UGT1A8: variants seen among roughly 807,000 people sequenced by gnomAD.
UGT1A8 encodes UDP glucuronosyltransferase family 1 member A8.
Under a neutral mutation model 45.3 loss-of-function variants are expected in UGT1A8, and 39 were observed. The observed-to-expected ratio is 0.86, with a 90% CI of 0.67 to 1.12. UGT1A8 has a LOEUF of 1.12. Among genes scored for constraint, UGT1A8 ranks in the 50% most tolerant of loss-of-function variants. The probability of loss-of-function intolerance (pLI) is 0.00; values close to 1 mark genes in which losing one functional copy is unlikely to be tolerated. For synonymous variants in UGT1A8, 275 were observed against 249.2 expected, an observed-to-expected ratio of 1.10 and a Z score of -0.97; for missense variants, 719 against 664.9, an observed-to-expected ratio of 1.08 and a Z score of -0.90.
intron 1 of UGT1A8, chr2:233,719,217 C>T (rs1235910435): frequency 1.2e-6 from 2 of 1,614,064 alleles, no homozygotes; most frequent in Non-Finnish European, 1.7e-6. Flanking sequence ...GGAGCTACTG[C>T]ATAATGAGGC....
intron 1 of UGT1A8, chr2:233,719,191 T>A (rs1353737147): frequency 6.2e-7 from 1 of 1,614,228 alleles, no homozygotes; most frequent in Admixed American, 1.7e-5. Context: ...TCTTTGGCCC[T>A]TCATAGGTGT....
chr2:233,672,699 G>T (rs1194232610), intron 1 of UGT1A8: 5 of 1,613,882 alleles, frequency 3.1e-6, no homozygotes, highest in Non-Finnish European at 4.2e-6. Flanking sequence ...TGTTGCGAAC[G>T]GACTTTGTTT....
intron 1 of UGT1A8, among the ~76,000 whole-genome samples, chr2:233,666,287 C>A (rs1252300394): frequency 6.6e-6 from 1 of 152,194 alleles, no homozygotes; most frequent in Non-Finnish European, 1.5e-5. Flanking sequence ...TCCTGCTAAG[C>A]CCCACTTTCA....
At chr2:233,743,505 A>G (rs761358710) in intron 1 of UGT1A8, 1 of 1,367,266 alleles carries the variant, frequency 7.3e-7, no homozygotes, top group Non-Finnish European at 9.8e-7. Context: ...AAAGGGGTGC[A>G]GACGCTCTGC....
chr2:233,760,943 A>G (rs1487587152), intron 1 of UGT1A8: 1 of 1,614,220 alleles, frequency 6.2e-7, no homozygotes, highest in South Asian at 1.1e-5. Context: ...GCCTTTTCAC[A>G]GAACTTTCTG....
intron 1 of UGT1A8, among the ~76,000 whole-genome samples, chr2:233,684,318 G>C (rs1167563534): frequency 6.6e-6 from 1 of 152,222 alleles, no homozygotes; most frequent in Non-Finnish European, 1.5e-5. Context: ...GGAGATGCAA[G>C]TTGTAGGACG....
rs1691455910 is a variant in UGT1A8, at chr2:233,740,707, G to A, written c.856-26327G>A. Reference sequence around the variant, plus strand: ...GGTGTTCATTTTAGGGATTTCAAGAGGGTCATCTTTGCACCACAGGAAATG... The same window carrying A: ...GGTGTTCATTTTAGGGATTTCAAGAAGGTCATCTTTGCACCACAGGAAATG... On this transcript the variant is annotated intron_variant, in intron 1 of 4. Coordinates refer to ENST00000373450, the MANE Select transcript of UGT1A8 (RefSeq NM_019076.5). 1.3e-5 allele frequency: 2 copies of A among 151,744 alleles called. 1 individual carries two copies. Among genetic ancestry groups the A allele is most frequent in the African/African-American group, 4.9e-5 (2 of 41,032 alleles). 9.4% of individuals were successfully genotyped at this position (151,744 alleles called of 1,614,324 possible).
At chr2:233,721,350 A>C (rs2076940105) in intron 1 of UGT1A8, among the ~76,000 whole-genome samples, 1 of 152,142 alleles carries the variant, frequency 6.6e-6, no homozygotes, top group Non-Finnish European at 1.5e-5. Context: ...TATATTCTTT[A>C]GACTGAACTG....
chr2:233,628,784 C>T (rs1054467628), intron 1 of UGT1A8, among the ~76,000 whole-genome samples: 2 of 152,038 alleles, frequency 1.3e-5, no homozygotes, highest in Admixed American at 1.3e-4. Flanking sequence ...AGATACTTCC[C>T]TTTATTTTCC....
At chr2:233,742,506 T>C (rs1389190553) in intron 1 of UGT1A8, among the ~76,000 whole-genome samples, 1 of 151,946 alleles carries the variant, frequency 6.6e-6, no homozygotes, top group East Asian at 1.9e-4. Flanking sequence ...ATGGCTATCA[T>C]GAACACGTCA....
rs147191221 is a variant in UGT1A8, at chr2:233,618,538, C to G, written c.831C>G (p.Cys277Trp). The change falls in exon 1 of 5, where the codon TGC becomes TGG. Residue 277 changes from cysteine to tryptophan, a missense_variant. Physicochemically the swap from Cys to Trp is radical, Grantham distance 215. Coordinates refer to ENST00000373450, the MANE Select transcript of UGT1A8 (RefSeq NM_019076.5). ...TGATCTTCATTGGTGGTATCAACTG[C>G]CATCAGGGAAAGCCATTGCCTATGG... ...PNMIFIGGIN[C>W]HQGKPLPMEF... The G allele has an allele frequency of 2.5e-6, 4 of 1,613,718 alleles. No individual in the cohort carries two copies. In the African/African-American group the frequency reaches 5.3e-5, roughly 22 times the overall value.
chr2:233,683,087 T>A (rs2074615252), intron 1 of UGT1A8, among the ~76,000 whole-genome samples: 1 of 152,206 alleles, frequency 6.6e-6, no homozygotes, highest in South Asian at 2.1e-4. Context: ...ACTTCCCTTT[T>A]TTTGCTAATT....
In UGT1A8 at chr2:233,772,799, AT is replaced by A; in HGVS notation, c.*245del. 3 of 1,169,378 alleles carry A rather than the reference AT, an allele frequency of 2.6e-6. No homozygotes were observed. The highest frequency in any genetic ancestry group is 3.4e-6 in the Non-Finnish European group (3 of 874,384). 72.4% of individuals were successfully genotyped at this position (1,169,378 alleles called of 1,614,324 possible). ...GTCTTTGATCAGGATGACATGTGCC[AT>A]TTTTCAGAGGACGTGCAGACAGGCT... is the stretch of plus-strand genomic sequence containing the variant. On this transcript the variant is annotated 3_prime_UTR_variant, in exon 5 of 5. Transcript: ENST00000373450.
chr2:233,702,927 G>A (rs1248659699), intron 1 of UGT1A8, among the ~76,000 whole-genome samples: 1 of 152,130 alleles, frequency 6.6e-6, no homozygotes, highest in African/African-American at 2.4e-5. Flanking sequence ...TTCTTGCGGA[G>A]CCTTGGTCTG....
chr2:233,638,476 G>A (rs552611600), intron 1 of UGT1A8, among the ~76,000 whole-genome samples: 34 of 152,204 alleles, frequency 2.2e-4, no homozygotes, highest in South Asian at 2.1e-4. Context: ...TATTTGTACT[G>A]CTTCTTTTGC....
chr2:233,654,061 T>C (rs2073799341), intron 1 of UGT1A8, among the ~76,000 whole-genome samples: 1 of 152,220 alleles, frequency 6.6e-6, no homozygotes, highest in Non-Finnish European at 1.5e-5. Context: ...ATTAGAATTC[T>C]CCATAAGTCT....
chr2:233,703,244 G>T (rs893110663), intron 1 of UGT1A8, among the ~76,000 whole-genome samples: 31 of 152,172 alleles, frequency 2.0e-4, no homozygotes, highest in African/African-American at 7.2e-4. Context: ...AAATGGCCCA[G>T]AGTGTTCCCT....
At chr2:233,647,210 A>C (rs2073628160) in intron 1 of UGT1A8, among the ~76,000 whole-genome samples, 1 of 152,210 alleles carries the variant, frequency 6.6e-6, no homozygotes, top group Non-Finnish European at 1.5e-5. Flanking sequence ...CTTCCATGAC[A>C]CGTGGAAATT....
At position 233,630,703 on chromosome 2, in the gene UGT1A8, G is replaced by A. The variant is rs183918136; in HGVS notation, c.855+12141G>A. On this transcript the variant is annotated intron_variant, in intron 1 of 4. Transcript: ENST00000373450. Reference sequence around the variant, plus strand: ...AGAGCAGGAGCAAGAGAGAGACAGGGGAGATGGCACATACTTTTTTATTTT... The same window carrying A: ...AGAGCAGGAGCAAGAGAGAGACAGGAGAGATGGCACATACTTTTTTATTTT... 4.3e-4 allele frequency among the ~76,000 whole-genome samples: 66 copies of A among 152,110 alleles called. 1 individual carries two copies. The highest frequency in any genetic ancestry group is 2.4e-3 in the Admixed American group (37 of 15,258).
Sources: allele counts gnomAD v4.1 joint callset (sites outside exome capture counted in the v4.1 genomes callset), GRCh38; gene constraint gnomAD v4.1.1; transcripts MANE v1.5; gene names NCBI Gene and HGNC (gene_info 2026-07-23, HGNC 2026-07-21).